The following CAST variants were observed in gnomAD, a reference collection of about 807,000 sequenced individuals.
CAST encodes MIR583 host.
CAST carries 76 observed loss-of-function variants against 119.6 expected under a neutral mutation model. The ratio of observed to expected loss-of-function variants is 0.64; its 90% CI spans 0.53 to 0.77. The LOEUF is 0.77. Among genes scored for constraint, CAST ranks in the 30% least tolerant of loss-of-function variants. The pLI, the probability that CAST is intolerant of heterozygous loss-of-function variation, is 0.00. For missense variants in CAST, 953 were observed against 946.5 expected (o/e 1.01, Z -0.09); for synonymous variants, 319 against 331.6 (o/e 0.96, Z 0.41).
At chr5:96,302,158 G>T in the CAST span, among the ~76,000 whole-genome samples, 41 of 152,252 alleles carry the variant, frequency 2.7e-4, no homozygotes, top group South Asian at 7.9e-3. Context: ...CTTACAGCTT[G>T]CACCCTCTGG....
At chr5:96,754,271 C>T (rs186817804) in intron 21 of CAST, 110 bp downstream of exon 21, 6 of 754,206 alleles carry the variant, frequency 8.0e-6, no homozygotes, top group South Asian at 3.1e-5. Flanking sequence ...AAAACATGAC[C>T]AGCTGGCTTT....
chr5:96,032,332 T>A, the CAST span, among the ~76,000 whole-genome samples: 1 of 152,088 alleles, frequency 6.6e-6, no homozygotes, highest in African/African-American at 2.4e-5. Context: ...GAGATATATA[T>A]GGGCTACCAT....
the CAST span, among the ~76,000 whole-genome samples, chr5:96,468,964 G>A: frequency 3.3e-5 from 5 of 152,094 alleles, no homozygotes; most frequent in South Asian, 2.1e-4. Context: ...CTTGACTTAC[G>A]CATAAACTTA....
At chr5:96,344,994 C>A in the CAST span, among the ~76,000 whole-genome samples, 1 of 152,156 alleles carries the variant, frequency 6.6e-6, no homozygotes. Flanking sequence ...CCTTCTGCTG[C>A]TCTACTCTGG....
At chr5:96,320,702 C>G in the CAST span, among the ~76,000 whole-genome samples, 1 of 120,650 alleles carries the variant, frequency 8.3e-6, no homozygotes, top group East Asian at 2.4e-4. Context: ...TCATCACTCA[C>G]TGCATGTTTT....
At chr5:96,401,108 A>T in the CAST span, among the ~76,000 whole-genome samples, 2 of 150,696 alleles carry the variant, frequency 1.3e-5, no homozygotes, top group Non-Finnish European at 3.0e-5. Context: ...AAAAAAAAAA[A>T]AAAAGAAGTT....
chr5:96,744,772 C>A (rs542913846), intron 16 of CAST, among the ~76,000 whole-genome samples: 1 of 152,196 alleles, frequency 6.6e-6, no homozygotes, highest in Admixed American at 6.5e-5. Context: ...CACTGCCACC[C>A]CAGCATACCC....
At chr5:96,251,556 T>C in the CAST span, among the ~76,000 whole-genome samples, 1 of 152,190 alleles carries the variant, frequency 6.6e-6, no homozygotes, top group East Asian at 1.9e-4. Flanking sequence ...ATGCTTGATC[T>C]ACAAGGAGTT....
the CAST span, among the ~76,000 whole-genome samples, chr5:96,282,835 A>G: frequency 6.6e-6 from 1 of 152,156 alleles, no homozygotes; most frequent in Non-Finnish European, 1.5e-5. Context: ...GGTTCATAGA[A>G]AAAAAATTTG....
At chr5:96,745,606 C>T (rs1259291232) in intron 16 of CAST, among the ~76,000 whole-genome samples, 2 of 152,196 alleles carry the variant, frequency 1.3e-5, no homozygotes, top group Non-Finnish European at 2.9e-5. Context: ...CAAATTCTTA[C>T]ATATTATGGA....
the CAST span, among the ~76,000 whole-genome samples, chr5:96,092,947 T>G: frequency 3.3e-5 from 5 of 152,180 alleles, no homozygotes; most frequent in African/African-American, 4.8e-5. Flanking sequence ...ATCTCCTTAA[T>G]CATTGTTCGG....
the CAST span, among the ~76,000 whole-genome samples, chr5:96,099,154 G>C: frequency 6.6e-6 from 1 of 152,164 alleles, no homozygotes; most frequent in Non-Finnish European, 1.5e-5. Context: ...GAGTGCTAGT[G>C]ATTTTTGGAC....
At chr5:96,184,997 C>T in the CAST span, among the ~76,000 whole-genome samples, 2 of 152,286 alleles carry the variant, frequency 1.3e-5, no homozygotes, top group South Asian at 4.1e-4. Context: ...TCCTTTTTCT[C>T]CACAACCTCA....
chr5:96,426,621 T>C, the CAST span, among the ~76,000 whole-genome samples: 1 of 152,214 alleles, frequency 6.6e-6, no homozygotes. Flanking sequence ...ACTATTATAC[T>C]TGAAGCCCTG....
chr5:96,221,432 T>C, the CAST span, among the ~76,000 whole-genome samples: 34 of 152,122 alleles, frequency 2.2e-4, no homozygotes, highest in East Asian at 4.8e-3. Context: ...AAAATCAATA[T>C]ACAAAAATCA....
chr5:96,481,869 T>C, the CAST span, among the ~76,000 whole-genome samples: 1 of 152,144 alleles, frequency 6.6e-6, no homozygotes, highest in African/African-American at 2.4e-5. Flanking sequence ...TAAAGTATTA[T>C]ACCAATAAAA....
chr5:96,337,859 T>C, the CAST span, among the ~76,000 whole-genome samples: 1 of 152,356 alleles, frequency 6.6e-6, no homozygotes, highest in Non-Finnish European at 1.5e-5. Context: ...CAAAGTCCTC[T>C]GGGCATTAGC....
At chr5:96,616,969 G>A (rs1294888198) in intron 1 of CAST, among the ~76,000 whole-genome samples, 6 of 152,012 alleles carry the variant, frequency 3.9e-5, no homozygotes, top group Non-Finnish European at 5.9e-5. Flanking sequence ...GCTTTCAGCC[G>A]CACTTCCCTG....
At chr5:96,655,943 TA>T (rs1186763090) in intron 1 of CAST, among the ~76,000 whole-genome samples, 1 of 152,226 alleles carries the variant, frequency 6.6e-6, no homozygotes, top group Non-Finnish European at 1.5e-5. Context: ...CAGACTGTAA[TA>T]AACATGAACA....
Sources: allele counts gnomAD v4.1 joint callset (sites outside exome capture counted in the v4.1 genomes callset), GRCh38; gene constraint gnomAD v4.1.1; transcripts MANE v1.5; gene names NCBI Gene and HGNC (gene_info 2026-07-23, HGNC 2026-07-21).